The following PCDH11X variants were observed in gnomAD, a reference collection of about 807,000 sequenced individuals.
PCDH11X encodes protocadherin 11 X-linked, also known as protocadherin-11 X-linked.
In PCDH11X, 18 loss-of-function variants were observed where a neutral mutation model predicts 53.3. The ratio of observed to expected loss-of-function variants is 0.34; its 90% CI spans 0.23 to 0.50. The LOEUF (loss-of-function observed/expected upper bound fraction) is 0.50, where lower values mean the gene tolerates loss of function less well. PCDH11X is among the 20% of genes least tolerant of loss of function. The pLI is 0.98. For missense variants in PCDH11X, 570 were observed against 1,032.4 expected (o/e 0.55, Z 6.14); for synonymous variants, 279 against 393.3 (o/e 0.71, Z 3.44).
chrX:91,991,409 C>T (rs1343708168), intron 6 of PCDH11X, among the ~76,000 whole-genome samples: 34 of 85,060 alleles, frequency 4.0e-4, no homozygotes, highest in African/African-American at 1.6e-3. Context: ...TTTCCAGTAC[C>T]CAGTCTGGGA....
At chrX:92,053,684 C>A (rs1273407045) in intron 6 of PCDH11X, among the ~76,000 whole-genome samples, 1 of 108,108 alleles carries the variant, frequency 9.3e-6, no homozygotes, top group African/African-American at 3.4e-5. Flanking sequence ...GATTCTCCTG[C>A]CTCAGCCTCC....
At chrX:92,280,580 C>T (rs1303229339) in intron 8 of PCDH11X, among the ~76,000 whole-genome samples, 1 of 109,697 alleles carries the variant, frequency 9.1e-6, no homozygotes, top group Non-Finnish European at 1.9e-5. Context: ...ATATCTCTGT[C>T]ATTAACTGAC....
At position 91,825,558 on chromosome X, in the gene PCDH11X, G is replaced by C. The variant is rs1164658913; in HGVS notation, c.-44-9903G>C. Among the ~76,000 whole-genome samples the C allele has an allele frequency of 2.7e-5, 3 of 111,354 alleles. No individual in the cohort carries two copies. The Admixed American group carries it at 2.8e-4, about 11-fold the overall frequency. The stretch of plus-strand genomic sequence containing the variant: ...CTCGCGCACGGTGCGCGCACCCACT[G>C]ACCTGCGCCCACTGTGTGGCACTCC... On this transcript the variant is annotated intron_variant, in intron 4 of 10. Transcript: ENST00000682573.
chrX:92,485,804 T>C, intron 10 of PCDH11X, among the ~76,000 whole-genome samples: 1 of 111,477 alleles, frequency 9.0e-6, no homozygotes, highest in Non-Finnish European at 1.9e-5. Flanking sequence ...AGTACTTTGA[T>C]TGATATCACC....
chrX:91,958,470 G>C (rs1210031466), intron 6 of PCDH11X, among the ~76,000 whole-genome samples: 3 of 111,252 alleles, frequency 2.7e-5, no homozygotes, highest in Middle Eastern at 4.2e-3. Context: ...CCCTGGTGGT[G>C]TGGGCTCATG....
chrX:92,592,534 A>T (rs1925138951), intron 10 of PCDH11X, among the ~76,000 whole-genome samples: 1 of 109,040 alleles, frequency 9.2e-6, no homozygotes, highest in Admixed American at 9.9e-5. Flanking sequence ...GATCGAGACC[A>T]TCCTGGCTAA....
intron 6 of PCDH11X, among the ~76,000 whole-genome samples, chrX:92,069,699 T>G (rs2063668866): frequency 9.0e-6 from 1 of 111,307 alleles, no homozygotes; most frequent in African/African-American, 3.3e-5. Context: ...ATTATTTTTT[T>G]GAGACAAAGT....
intron 8 of PCDH11X, among the ~76,000 whole-genome samples, chrX:92,304,007 C>G (rs1352964923): frequency 9.1e-6 from 1 of 109,457 alleles, no homozygotes; most frequent in Non-Finnish European, 1.9e-5. Flanking sequence ...GAAATTCTGT[C>G]AACAATAATG....
chrX:92,219,570 A>T (rs1189928926), intron 7 of PCDH11X, among the ~76,000 whole-genome samples: 4 of 105,884 alleles, frequency 3.8e-5, no homozygotes, highest in Admixed American at 3.1e-4. Context: ...ATGGAAGAAC[A>T]TTCCATGCTC....
intron 10 of PCDH11X, among the ~76,000 whole-genome samples, chrX:92,538,932 CG>C (rs2074712414): frequency 1.3e-5 from 1 of 78,945 alleles, no homozygotes; most frequent in Non-Finnish European, 2.4e-5. Flanking sequence ...TAAAGAACAC[CG>C]TTTAGCATTT....
intron 10 of PCDH11X, among the ~76,000 whole-genome samples, chrX:92,600,346 G>A (rs1926093267): frequency 1.8e-5 from 2 of 110,911 alleles, no homozygotes; most frequent in South Asian, 7.7e-4. Context: ...TGTTTTGTGG[G>A]CCAGATCCAG....
At chrX:91,999,342 T>C (rs1246175634) in intron 6 of PCDH11X, among the ~76,000 whole-genome samples, 2 of 111,781 alleles carry the variant, frequency 1.8e-5, no homozygotes, top group Non-Finnish European at 3.8e-5. Context: ...AGTGCAGTTC[T>C]TTAAAGTGGG....
chrX:92,045,267 C>T (rs1042078874), intron 6 of PCDH11X, among the ~76,000 whole-genome samples: 3 of 104,006 alleles, frequency 2.9e-5, no homozygotes, highest in Middle Eastern at 4.8e-3. Context: ...GAAACAAAGG[C>T]ATATAATTAT....
At chrX:92,323,136 C>A (rs1388302075) in intron 8 of PCDH11X, among the ~76,000 whole-genome samples, 3 of 110,284 alleles carry the variant, frequency 2.7e-5, no homozygotes, top group African/African-American at 9.8e-5. Context: ...TGGGAGAAAG[C>A]CTATTTCTTT....
intron 6 of PCDH11X, among the ~76,000 whole-genome samples, chrX:91,929,210 T>C (rs1942042037): frequency 9.0e-6 from 1 of 111,348 alleles, no homozygotes; most frequent in African/African-American, 3.3e-5. Flanking sequence ...CTAGCAAAAT[T>C]ATTTCAACCA....
At chrX:91,793,161 C>A (rs1239032920) in intron 1 of PCDH11X, among the ~76,000 whole-genome samples, 4 of 107,237 alleles carry the variant, frequency 3.7e-5, no homozygotes, top group African/African-American at 1.4e-4. Flanking sequence ...ACAGGTATTG[C>A]ATATATTATA....
chrX:92,401,242 A>G (rs915994907), intron 9 of PCDH11X, among the ~76,000 whole-genome samples: 4 of 107,301 alleles, frequency 3.7e-5, no homozygotes, highest in African/African-American at 1.4e-4. Flanking sequence ...GCTTATTGTC[A>G]CATAGGCATA....
At chrX:92,092,953 T>C (rs904030283) in intron 6 of PCDH11X, among the ~76,000 whole-genome samples, 1 of 111,044 alleles carries the variant, frequency 9.0e-6, no homozygotes, top group African/African-American at 3.3e-5. Context: ...TTGTGGTAAT[T>C]GTGACTGATT....
At chrX:92,196,233 G>A (rs896424070) in intron 6 of PCDH11X, among the ~76,000 whole-genome samples, 2 of 111,494 alleles carry the variant, frequency 1.8e-5, no homozygotes, top group Non-Finnish European at 3.8e-5. Flanking sequence ...TGATTTTTAA[G>A]CAAATATAGA....
Sources: allele counts gnomAD v4.1 joint callset (sites outside exome capture counted in the v4.1 genomes callset), GRCh38; gene constraint gnomAD v4.1.1; transcripts MANE v1.5; gene names NCBI Gene and HGNC (gene_info 2026-07-23, HGNC 2026-07-21).